The following ASCC3 variants were observed in gnomAD, a reference collection of about 807,000 sequenced individuals.
ASCC3 encodes the protein activating signal cointegrator 1 complex subunit 3.
ASCC3 carries 158 observed loss-of-function variants against 256.3 expected under a neutral mutation model. That is an observed-to-expected ratio of 0.62 (90% CI 0.54 to 0.70). The LOEUF is 0.70. Ranked by LOEUF, ASCC3 falls within the 30% of genes least tolerant of loss-of-function variation. The probability of loss-of-function intolerance (pLI) is 0.00; values close to 1 mark genes in which losing one functional copy is unlikely to be tolerated. For missense variants in ASCC3, 2,259 were observed against 2,626.0 expected (o/e 0.86, Z 3.05); for synonymous variants, 948 against 883.4 (o/e 1.07, Z -1.30).
intron 13 of ASCC3, among the ~76,000 whole-genome samples, chr6:100,705,513 C>G (rs775505465): frequency 2.6e-5 from 4 of 152,072 alleles, no homozygotes; most frequent in Admixed American, 2.6e-4. Context: ...TTTCAGTCTT[C>G]TCACTAATGG....
chr6:100,636,234 CTG>C (rs1774836931), intron 25 of ASCC3, among the ~76,000 whole-genome samples: 1 of 152,132 alleles, frequency 6.6e-6, no homozygotes, highest in Non-Finnish European at 1.5e-5. Context: ...CTTCATGCCT[CTG>C]TTACGTTTTG....
intron 1 of ASCC3, among the ~76,000 whole-genome samples, chr6:100,873,309 C>T (rs937473647): frequency 8.6e-5 from 13 of 151,850 alleles, no homozygotes; most frequent in Non-Finnish European, 1.9e-4. Flanking sequence ...TCTAATTAAC[C>T]CAATCCAACA....
intron 10 of ASCC3, among the ~76,000 whole-genome samples, chr6:100,733,779 C>A (rs17061060): frequency 6.6e-6 from 1 of 152,026 alleles, no homozygotes; most frequent in Non-Finnish European, 1.5e-5. Flanking sequence ...CAATTTTGTT[C>A]GTTATTTCTT....
intron 10 of ASCC3, among the ~76,000 whole-genome samples, chr6:100,754,962 T>C (rs974739398): frequency 6.6e-6 from 1 of 152,162 alleles, no homozygotes; most frequent in Non-Finnish European, 1.5e-5. Flanking sequence ...ATCGTGACTG[T>C]GAGGCCTCCA....
intron 36 of ASCC3, among the ~76,000 whole-genome samples, chr6:100,550,961 C>T (rs538958976): frequency 6.6e-6 from 1 of 151,862 alleles, no homozygotes; most frequent in African/African-American, 2.4e-5. Context: ...CATAAAAATG[C>T]CTTATGTAGT....
In ASCC3 at chr6:100,712,611, A is replaced by G. The variant is rs1778903735; in HGVS notation, c.2151+2851T>C. ...ATATCCAAAATATTGACAAAACCAA[A>G]TGCTGGCAAGGATGTGAGGATGTTG... On this transcript the variant is annotated intron_variant, in intron 13 of 41. Transcript: ENST00000369162. Among the ~76,000 whole-genome samples, 3 of 152,272 alleles carry G rather than the reference A, an allele frequency of 2.0e-5. 1 individual carries two copies. The South Asian group carries it at 6.2e-4, about 32-fold the overall frequency.
chr6:100,736,194 T>C (rs975422745), intron 10 of ASCC3, among the ~76,000 whole-genome samples: 2 of 152,224 alleles, frequency 1.3e-5, no homozygotes, highest in Non-Finnish European at 2.9e-5. Flanking sequence ...ACAAAGTATA[T>C]TTACATTTAA....
At chr6:100,582,127 T>C (rs960513980) in intron 36 of ASCC3, among the ~76,000 whole-genome samples, 1 of 151,782 alleles carries the variant, frequency 6.6e-6, no homozygotes. Context: ...GTGAAGAAAG[T>C]CATTGGTAGC....
At chr6:100,684,794 A>C (rs1373712427) in intron 13 of ASCC3, among the ~76,000 whole-genome samples, 3 of 149,880 alleles carry the variant, frequency 2.0e-5, no homozygotes, top group Non-Finnish European at 4.4e-5. Flanking sequence ...GAAATCTTGA[A>C]TCAAACTCTT....
At position 100,715,511 on chromosome 6, in the gene ASCC3, T is replaced by C. The variant is rs1381680198; in HGVS notation, c.2102A>G (p.Asp701Gly). 1.2e-6 allele frequency: 2 copies of C among 1,610,664 alleles called. No individual in the cohort carries two copies. The highest frequency in any genetic ancestry group is 1.3e-5 in the African/African-American group (1 of 74,802). Residue 701 changes from aspartate to glycine, a missense_variant, in exon 13 of 42, where the codon GAT (aspartate) becomes GGT (glycine). Asp to Gly is a moderately conservative substitution (Grantham distance 94). Coordinates refer to ENST00000369162, the MANE Select transcript of ASCC3 (RefSeq NM_006828.4). Reference sequence around the variant, plus strand: ...CAAAACATTTTCATAACATACTTCATCCATGTTATTCAACTGCTGCATCTT... The same window carrying C: ...CAAAACATTTTCATAACATACTTCACCCATGTTATTCAACTGCTGCATCTT... Reference protein sequence around the residue: ...ANKMQQLNNMDEVCYENVLKQ... With the variant: ...ANKMQQLNNMGEVCYENVLKQ...
At chr6:100,592,212 T>C (rs1045417931) in intron 34 of ASCC3, among the ~76,000 whole-genome samples, 18 of 151,438 alleles carry the variant, frequency 1.2e-4, no homozygotes, top group African/African-American at 4.1e-4. Flanking sequence ...ACCACTAAAA[T>C]ATTATTCATA....
chr6:100,532,460 GA>G (rs2114646932), intron 37 of ASCC3, among the ~76,000 whole-genome samples: 1 of 133,658 alleles, frequency 7.5e-6, no homozygotes, highest in East Asian at 2.3e-4. Context: ...CTTTTATGCT[GA>G]AAATGATCAT....
At chr6:100,537,558 T>C (rs1383363122) in intron 37 of ASCC3, among the ~76,000 whole-genome samples, 1 of 152,152 alleles carries the variant, frequency 6.6e-6, no homozygotes, top group Non-Finnish European at 1.5e-5. Context: ...ATGTTACCTT[T>C]AGGGGAGGCT....
intron 25 of ASCC3, among the ~76,000 whole-genome samples, chr6:100,633,789 G>A (rs1582602648): frequency 6.6e-6 from 1 of 151,576 alleles, no homozygotes; most frequent in Non-Finnish European, 1.5e-5. Flanking sequence ...CAGAAGAATC[G>A]CTTGAATCCG....
intron 13 of ASCC3, among the ~76,000 whole-genome samples, chr6:100,704,482 T>C (rs1222872170): frequency 6.6e-6 from 1 of 152,068 alleles, no homozygotes; most frequent in Non-Finnish European, 1.5e-5. Context: ...AGTTTCATTA[T>C]TTAAGTTAGC....
intron 36 of ASCC3, among the ~76,000 whole-genome samples, chr6:100,580,205 A>G (rs560794963): frequency 6.6e-6 from 1 of 152,250 alleles, no homozygotes; most frequent in South Asian, 2.1e-4. Context: ...TTCTTATTTC[A>G]GAAAAGTTAA....
intron 4 of ASCC3, among the ~76,000 whole-genome samples, chr6:100,843,242 C>CA (rs1220857793): frequency 3.9e-5 from 6 of 151,994 alleles, no homozygotes; most frequent in African/African-American, 1.5e-4. Flanking sequence ...AAATAAGTTC[C>CA]AAAAAATACA....
At chr6:100,685,527 C>T (rs1333286141) in intron 13 of ASCC3, among the ~76,000 whole-genome samples, 1 of 152,156 alleles carries the variant, frequency 6.6e-6, no homozygotes, top group Non-Finnish European at 1.5e-5. Context: ...TTAACAAGCC[C>T]TCCAGGTTAT....
intron 3 of ASCC3, among the ~76,000 whole-genome samples, chr6:100,861,094 A>G (rs1773204218): frequency 6.6e-6 from 1 of 152,108 alleles, no homozygotes. Context: ...GTAAATATAC[A>G]GAGTAAATTT....
Sources: gnomAD v4.1 joint callset for allele counts (sites outside exome capture counted in the v4.1 genomes callset) on GRCh38, gnomAD v4.1.1 for gene constraint, MANE v1.5 for transcripts, NCBI Gene and HGNC (gene_info 2026-07-23, HGNC 2026-07-21) for gene names.